The following RBFOX3 variants were observed in gnomAD, a reference collection of about 807,000 sequenced individuals.
The protein encoded by RBFOX3 is RNA binding protein fox-1 homolog 3.
Under a neutral mutation model 48.7 loss-of-function variants are expected in RBFOX3, and 17 were observed. The ratio of observed to expected loss-of-function variants is 0.35; its 90% CI spans 0.24 to 0.52. RBFOX3 has a LOEUF of 0.52. Among genes scored for constraint, RBFOX3 ranks in the 20% least tolerant of loss-of-function variants. The pLI, the probability that RBFOX3 is intolerant of heterozygous loss-of-function variation, is 0.94. For synonymous variants in RBFOX3, 212 were observed against 209.5 expected, an observed-to-expected ratio of 1.01 and a Z score of -0.10; for missense variants, 382 against 497.5, an observed-to-expected ratio of 0.77 and a Z score of 2.21.
chr17:79,390,207 C>T lies in RBFOX3; in HGVS notation c.-174-82383G>A, dbSNP rs1045772446. ...GGTGTCCAACCTCCGGGACGCTGCA[C>T]TGACTTTCAAGTGCCCAGAGGTCCT... On this transcript the variant is annotated intron_variant, in intron 2 of 14. Transcript: ENST00000693108. The surrounding 1 kb of genome is among the most constrained non-coding windows in gnomAD (Gnocchi z 4.2). 1.3e-5 allele frequency among the ~76,000 whole-genome samples: 2 copies of T among 152,256 alleles called. No individual in the cohort carries two copies. Among genetic ancestry groups the T allele is most frequent in the African/African-American group, 4.8e-5 (2 of 41,464 alleles).
chr17:79,428,362 C>T (rs2067778550), intron 2 of RBFOX3, among the ~76,000 whole-genome samples: 1 of 152,240 alleles, frequency 6.6e-6, no homozygotes, highest in African/African-American at 2.4e-5. Flanking sequence ...GAGCCACTCT[C>T]CACCTGCGTC....
chr17:79,101,887 C>T (rs538582348), intron 8 of RBFOX3, among the ~76,000 whole-genome samples: 2 of 152,288 alleles, frequency 1.3e-5, no homozygotes, highest in South Asian at 4.1e-4. Flanking sequence ...TGTGGCTGTT[C>T]CCATAAACCC....
At chr17:79,379,149 C>T (rs540057570) in intron 2 of RBFOX3, among the ~76,000 whole-genome samples, 46 of 152,328 alleles carry the variant, frequency 3.0e-4, no homozygotes, top group Admixed American at 1.6e-3. Context: ...GGAGGGCAAC[C>T]GTCCCATGGC....
At chr17:79,620,154 C>T in the RBFOX3 span, among the ~76,000 whole-genome samples, 1 of 73,670 alleles carries the variant, frequency 1.4e-5, no homozygotes. Context: ...CACACATGCA[C>T]GCGCGGACAT....
At chr17:79,470,701 G>A (rs1217833956) in intron 2 of RBFOX3, among the ~76,000 whole-genome samples, 7 of 152,142 alleles carry the variant, frequency 4.6e-5, no homozygotes, top group Non-Finnish European at 1.0e-4. Flanking sequence ...GTGTCTGGGG[G>A]AACTATTACT....
chr17:79,231,332 G>C (rs1186690265), intron 4 of RBFOX3, among the ~76,000 whole-genome samples: 1 of 152,136 alleles, frequency 6.6e-6, no homozygotes, highest in African/African-American at 2.4e-5. Flanking sequence ...ACACAGCACT[G>C]GGCACCCTCA....
At chr17:79,320,256 C>G (rs1054375872) in intron 2 of RBFOX3, among the ~76,000 whole-genome samples, 7 of 152,178 alleles carry the variant, frequency 4.6e-5, no homozygotes, top group Non-Finnish European at 7.3e-5. Flanking sequence ...TGGAGCCGCT[C>G]TTGGTGCTGA....
chr17:79,288,802 G>A (rs1156291809), intron 3 of RBFOX3, among the ~76,000 whole-genome samples: 2 of 151,762 alleles, frequency 1.3e-5, no homozygotes, highest in Non-Finnish European at 2.9e-5. Context: ...TGATATAGCT[G>A]ACCCCAATAA....
chr17:79,140,041 G>A (rs550808772), intron 4 of RBFOX3, among the ~76,000 whole-genome samples: 65 of 152,222 alleles, frequency 4.3e-4, no homozygotes, highest in Non-Finnish European at 7.5e-4. Flanking sequence ...CCGCGGCCCT[G>A]CCAGGCCACC....
intron 1 of RBFOX3, among the ~76,000 whole-genome samples, chr17:79,571,129 A>T (rs930032842): frequency 6.6e-6 from 1 of 152,178 alleles, no homozygotes; most frequent in African/African-American, 2.4e-5. Flanking sequence ...GATGTTTCTC[A>T]TTACTGGAAT....
chr17:79,347,863 T>A (rs150698394), intron 2 of RBFOX3, among the ~76,000 whole-genome samples: 2 of 152,320 alleles, frequency 1.3e-5, no homozygotes, highest in Non-Finnish European at 2.9e-5. Flanking sequence ...TTAAAAAAAA[T>A]GCTTGTGCTT....
the RBFOX3 span, among the ~76,000 whole-genome samples, chr17:79,647,060 C>CGTGTGTGT: frequency 0.024 from 3,575 of 149,536 alleles, 164 homozygotes; most frequent in African/African-American, 0.082. Flanking sequence ...TTTTCACTGC[C>CGTGTGTGT]GTGTGTGTGT....
At chr17:79,231,226 G>A (rs1444121997) in intron 4 of RBFOX3, among the ~76,000 whole-genome samples, 1 of 152,200 alleles carries the variant, frequency 6.6e-6, no homozygotes, top group Non-Finnish European at 1.5e-5. Context: ...CAGATACTAA[G>A]AGGGTCCCAC....
At chr17:79,493,606 G>A (rs962129508) in intron 1 of RBFOX3, among the ~76,000 whole-genome samples, 8 of 152,174 alleles carry the variant, frequency 5.3e-5, no homozygotes, top group East Asian at 1.9e-4. Context: ...CCAGTTTCCC[G>A]GTCACTCTGT....
chr17:79,327,782 G>A (rs1043523662), intron 2 of RBFOX3, among the ~76,000 whole-genome samples: 11 of 152,066 alleles, frequency 7.2e-5, no homozygotes, highest in East Asian at 1.9e-4. Context: ...TGCAACCTCC[G>A]CCTCCTGGGT....
rs141641403 is a variant in RBFOX3 at position 79,390,077 on chromosome 17, C to T, written c.-174-82253G>A. Among the ~76,000 whole-genome samples the T allele has an allele frequency of 2.2e-3, 341 of 152,064 alleles. 1 individual carries two copies. The highest frequency in any genetic ancestry group is 8.0e-3 in the African/African-American group (330 of 41,464). ...GCAGCCGCCGGGTCTCCGCAGCCTCCGGGTCTCCGCAGCCTCCGGGTCTCC... is the reference window on the plus strand; with the variant it reads ...GCAGCCGCCGGGTCTCCGCAGCCTCTGGGTCTCCGCAGCCTCCGGGTCTCC... On this transcript the variant is annotated intron_variant, in intron 2 of 14. Coordinates refer to ENST00000693108, the MANE Select transcript of RBFOX3 (RefSeq NM_001350451.2). This position sits in a 1 kb window ranked among gnomAD's most constrained non-coding sequence, Gnocchi z 4.2.
At chr17:79,141,994 C>T (rs565589271) in intron 4 of RBFOX3, among the ~76,000 whole-genome samples, 1 of 152,280 alleles carries the variant, frequency 6.6e-6, no homozygotes, top group East Asian at 1.9e-4. Context: ...CGGGGCGGGG[C>T]CCAGGACGGG....
rs368807384 is a variant in RBFOX3 at position 79,335,849 on chromosome 17, G to A, written c.-174-28025C>T. On this transcript the variant is annotated intron_variant, in intron 2 of 14. Transcript: ENST00000693108. The stretch of plus-strand genomic sequence containing the variant: ...AATCTCACCTGCCCCTGCACTCCAC[G>A]TAGCCTGCAGCCATCTTAGCTTTTC... Among the ~76,000 whole-genome samples, 41 of 152,300 alleles carry A rather than the reference G, an allele frequency of 2.7e-4. No individual in the cohort carries two copies. In the East Asian group the frequency reaches 6.4e-3, roughly 24 times the overall value.
intron 4 of RBFOX3, among the ~76,000 whole-genome samples, chr17:79,120,468 T>C (rs2035394757): frequency 6.6e-6 from 1 of 150,514 alleles, no homozygotes; most frequent in African/African-American, 2.5e-5. Flanking sequence ...AGTGAATGGA[T>C]GGATGGAAGG....
Sources: allele counts gnomAD v4.1 joint callset (sites outside exome capture counted in the v4.1 genomes callset), GRCh38; gene constraint gnomAD v4.1.1; non-coding constraint Gnocchi (gnomAD v3.1); transcripts MANE v1.5; gene names NCBI Gene and HGNC (gene_info 2026-07-23, HGNC 2026-07-21).